C1QTNF7: variants seen among roughly 807,000 people sequenced by gnomAD.
C1QTNF7 encodes the protein complement C1q tumor necrosis factor-related protein 7.
A neutral mutation model predicts 19.6 loss-of-function variants in C1QTNF7; 15 were observed. The observed-to-expected ratio is 0.76, with a 90% CI of 0.51 to 1.18. The LOEUF (loss-of-function observed/expected upper bound fraction) is 1.18. C1QTNF7 is among the 50% of genes most tolerant of loss of function. The pLI is 0.00. For synonymous variants in C1QTNF7, 142 were observed against 137.5 expected, an observed-to-expected ratio of 1.03 and a Z score of -0.23; for missense variants, 324 against 359.7, an observed-to-expected ratio of 0.90 and a Z score of 0.80.
At chr4:15,371,007 T>G (rs1490949222) in intron 1 of C1QTNF7, among the ~76,000 whole-genome samples, 1 of 152,240 alleles carries the variant, frequency 6.6e-6, no homozygotes, top group Non-Finnish European at 1.5e-5. Flanking sequence ...TTCCTTCAAC[T>G]GAAAATGTCT....
intron 1 of C1QTNF7, among the ~76,000 whole-genome samples, chr4:15,341,910 G>T (rs1716553036): frequency 6.6e-6 from 1 of 152,328 alleles, no homozygotes; most frequent in Middle Eastern, 3.4e-3. Context: ...AGAAGCCGGA[G>T]CGCGAACTTC....
At chr4:15,393,263 T>C (rs137977871) in intron 1 of C1QTNF7, among the ~76,000 whole-genome samples, 1 of 152,212 alleles carries the variant, frequency 6.6e-6, no homozygotes, top group African/African-American at 2.4e-5. Context: ...TTTTTCTTTA[T>C]AAATTACCCA....
intron 1 of C1QTNF7, among the ~76,000 whole-genome samples, chr4:15,345,455 T>C (rs910819360): frequency 2.0e-5 from 3 of 152,192 alleles, no homozygotes; most frequent in African/African-American, 7.2e-5. Flanking sequence ...TCTTTCCAGG[T>C]GTGAGAAAAT....
At chr4:15,372,557 T>C (rs911762916) in intron 1 of C1QTNF7, among the ~76,000 whole-genome samples, 3 of 152,216 alleles carry the variant, frequency 2.0e-5, no homozygotes, top group African/African-American at 7.2e-5. Context: ...TTCTTACAGA[T>C]GATAGAGTGC....
At chr4:15,402,311 A>T (rs960298095) in intron 1 of C1QTNF7, among the ~76,000 whole-genome samples, 1 of 152,236 alleles carries the variant, frequency 6.6e-6, no homozygotes, top group Non-Finnish European at 1.5e-5. Flanking sequence ...ACAGGCAGGC[A>T]TTCCTAAACA....
intron 1 of C1QTNF7, among the ~76,000 whole-genome samples, chr4:15,397,162 C>T (rs1235813052): frequency 2.6e-5 from 4 of 152,116 alleles, no homozygotes; most frequent in African/African-American, 4.8e-5. Context: ...GTGATTCCAC[C>T]GGGTCCCTCC....
At chr4:15,386,416 G>A (rs1036073828) in intron 1 of C1QTNF7, among the ~76,000 whole-genome samples, 5 of 152,116 alleles carry the variant, frequency 3.3e-5, no homozygotes, top group Non-Finnish European at 7.4e-5. Flanking sequence ...CACTGTTCTG[G>A]TTGCTCAGCA....
chr4:15,345,828 T>C (rs1360031120), intron 1 of C1QTNF7, among the ~76,000 whole-genome samples: 1 of 152,202 alleles, frequency 6.6e-6, no homozygotes, highest in Non-Finnish European at 1.5e-5. Context: ...GCCTACTGTG[T>C]GCCATGACTT....
At chr4:15,413,982 G>A (rs1358842191) in intron 1 of C1QTNF7, among the ~76,000 whole-genome samples, 1 of 152,132 alleles carries the variant, frequency 6.6e-6, no homozygotes, top group Non-Finnish European at 1.5e-5. Context: ...GTATTTAATT[G>A]TTTTTAAATT....
At chr4:15,377,416 T>C (rs1287483618) in intron 1 of C1QTNF7, among the ~76,000 whole-genome samples, 2 of 152,212 alleles carry the variant, frequency 1.3e-5, no homozygotes, top group East Asian at 3.9e-4. Context: ...GATTTCTTTC[T>C]CTGGTAGGCT....
At chr4:15,352,097 A>G (rs1416692520) in intron 1 of C1QTNF7, among the ~76,000 whole-genome samples, 2 of 152,200 alleles carry the variant, frequency 1.3e-5, no homozygotes, top group Non-Finnish European at 2.9e-5. Context: ...AGTAGATTTC[A>G]TCTTGATGAG....
intron 1 of C1QTNF7, chr4:15,374,156 C>G (rs1001901614): frequency 1.3e-5 from 2 of 152,216 alleles, no homozygotes; most frequent in African/African-American, 4.8e-5. Flanking sequence ...ACAGTCGGCT[C>G]TTAGGTTCCT....
upstream of C1QTNF7, among the ~76,000 whole-genome samples, chr4:15,424,428 G>C (rs1248251311): frequency 3.3e-5 from 5 of 152,310 alleles, no homozygotes; most frequent in South Asian, 2.1e-4. Flanking sequence ...ATGCACTCCA[G>C]GTAGCCAAAT....
rs932855141 is a variant in C1QTNF7 at position 15,446,136 on chromosome 4, A to G, written c.*3337A>G. 1.3e-5 allele frequency: 2 copies of G among 152,214 alleles called. No homozygotes were observed. The highest frequency in any genetic ancestry group is 2.9e-5 in the Non-Finnish European group (2 of 68,044). 9.4% of individuals were successfully genotyped at this position (152,214 alleles called of 1,614,324 possible). A position where few individuals can be genotyped will look rare whatever the true frequency, so the allele number is the denominator to read the frequency against. On this transcript the variant is annotated 3_prime_UTR_variant, in exon 3 of 3. Transcript: ENST00000444304. Reference sequence around the variant, plus strand: ...CTTTTTTTCTACCACTCTGTGTAAAAGATCATGAACGTAAATAAATTTTAG... The same window carrying G: ...CTTTTTTTCTACCACTCTGTGTAAAGGATCATGAACGTAAATAAATTTTAG...
chr4:15,385,238 C>T (rs1225204481), intron 1 of C1QTNF7, among the ~76,000 whole-genome samples: 1 of 152,214 alleles, frequency 6.6e-6, no homozygotes, highest in Non-Finnish European at 1.5e-5. Context: ...AAGTCCCTCC[C>T]TTTAGCCCCT....
At chr4:15,372,993 C>A (rs1427945064) in intron 1 of C1QTNF7, among the ~76,000 whole-genome samples, 1 of 152,182 alleles carries the variant, frequency 6.6e-6, no homozygotes, top group Non-Finnish European at 1.5e-5. Flanking sequence ...CAGCCAATGA[C>A]ACAGATGAAA....
rs1712988563 is a variant in C1QTNF7, at chr4:15,446,047, G to A, written c.*3248G>A. On this transcript the variant is annotated 3_prime_UTR_variant, in exon 3 of 3. Coordinates refer to ENST00000444304, the MANE Select transcript of C1QTNF7 (RefSeq NM_031911.5). The stretch of plus-strand genomic sequence containing the variant: ...CCTGCATGCACAAGGGTATTTCCAG[G>A]TCATTTATCATTGTGAACAGTGTTG... 1 of 152,118 alleles carries A rather than the reference G, an allele frequency of 6.6e-6. No homozygotes were observed. Among genetic ancestry groups the A allele is most frequent in the Admixed American group, 6.5e-5 (1 of 15,270 alleles). The allele number at this position is 152,118 out of a possible 1,614,324, so 9.4% of individuals were successfully genotyped here.
chr4:15,360,936 T>G (rs925143970), intron 1 of C1QTNF7, among the ~76,000 whole-genome samples: 3 of 152,310 alleles, frequency 2.0e-5, no homozygotes, highest in African/African-American at 4.8e-5. Context: ...TAGGTAGGTT[T>G]ATATCTAACA....
chr4:15,394,103 G>T (rs1718689681), intron 1 of C1QTNF7, among the ~76,000 whole-genome samples: 1 of 152,216 alleles, frequency 6.6e-6, no homozygotes, highest in Non-Finnish European at 1.5e-5. Flanking sequence ...AGCCTGTGAA[G>T]GTCTAAAGTG....
Sources: gnomAD v4.1 joint callset for allele counts (sites outside exome capture counted in the v4.1 genomes callset) on GRCh38, gnomAD v4.1.1 for gene constraint, MANE v1.5 for transcripts, NCBI Gene and HGNC (gene_info 2026-07-23, HGNC 2026-07-21) for gene names.